The following PCDHGA2 variants were observed in gnomAD, a reference collection of about 807,000 sequenced individuals.
PCDHGA2 encodes the protein protocadherin gamma subfamily A, 2.
PCDHGA2 carries 40 observed loss-of-function variants against 59.2 expected under a neutral mutation model. The ratio of observed to expected loss-of-function variants is 0.68; its 90% CI spans 0.52 to 0.88. The LOEUF (loss-of-function observed/expected upper bound fraction) is 0.88. PCDHGA2 is among the 40% of genes least tolerant of loss of function. The pLI is 0.00. For missense variants in PCDHGA2, 1,226 were observed against 1,204.0 expected, an observed-to-expected ratio of 1.02 and a Z score of -0.27; for synonymous variants, 560 against 526.0, an observed-to-expected ratio of 1.06 and a Z score of -0.89.
intron 1 of PCDHGA2, chr5:141,419,517 G>A: frequency 6.2e-7 from 1 of 1,612,224 alleles, no homozygotes; most frequent in South Asian, 1.1e-5. Context: ...GTGTTGGTGG[G>A]CGACCGTAAC....
At chr5:141,466,549 T>C (rs778708029) in intron 1 of PCDHGA2, among the ~76,000 whole-genome samples, 2 of 152,244 alleles carry the variant, frequency 1.3e-5, no homozygotes, top group African/African-American at 2.4e-5. Flanking sequence ...GGTCTTTTGC[T>C]GTGGGCTTCA....
rs375487349 is a variant in PCDHGA2, at chr5:141,383,260, G to T, written c.2424+41865G>T. On this transcript the variant is annotated intron_variant, in intron 1 of 3. Transcript: ENST00000394576. ...TAAAATGAATCTTTACCCTATAGAC[G>T]TGGAAATAATAGATATTAATGACAA... is the stretch of plus-strand genomic sequence containing the variant. 2 of 1,613,782 alleles carry T rather than the reference G, an allele frequency of 1.2e-6. No homozygotes were observed. The highest frequency in any genetic ancestry group is 1.7e-6 in the Non-Finnish European group (2 of 1,179,874).
intron 1 of PCDHGA2, chr5:141,416,766 T>C (rs906070451): frequency 2.0e-5 from 3 of 152,212 alleles, no homozygotes; most frequent in African/African-American, 7.2e-5. Context: ...GATCTCTTAA[T>C]TTTATTACTA....
At position 141,347,504 on chromosome 5, in the gene PCDHGA2, G is replaced by A. The variant is rs144302503; in HGVS notation, c.2424+6109G>A. 9.9e-5 allele frequency among the ~76,000 whole-genome samples: 15 copies of A among 152,126 alleles called. No homozygotes were observed. In the East Asian group the frequency reaches 1.6e-3, roughly 16 times the overall value. On this transcript the variant is annotated intron_variant, in intron 1 of 3. Transcript: ENST00000394576. ...ATAAAAATTGGAGAACAAAAATGTAGAGGCTGGGTGCAGTGGCTCATGCTG... is the reference window on the plus strand; with the variant it reads ...ATAAAAATTGGAGAACAAAAATGTAAAGGCTGGGTGCAGTGGCTCATGCTG...
At chr5:141,388,893 G>A in intron 1 of PCDHGA2, 1 of 1,613,982 alleles carries the variant, frequency 6.2e-7, no homozygotes. Context: ...AGAAGTCATA[G>A]ATGAAAATGA....
chr5:141,357,567 G>A (rs751974557), intron 1 of PCDHGA2: 5 of 1,614,096 alleles, frequency 3.1e-6, no homozygotes, highest in African/African-American at 2.7e-5. Flanking sequence ...AGAAAAGCGA[G>A]CCTCTTCTGA....
At chr5:141,392,559 A>T in intron 1 of PCDHGA2, 2 of 384,544 alleles carry the variant, frequency 5.2e-6, no homozygotes, top group Non-Finnish European at 4.6e-6. Context: ...ATCTCAGTGC[A>T]GTAACTATTT....
At chr5:141,458,289 T>G (rs2154566205) in intron 1 of PCDHGA2, among the ~76,000 whole-genome samples, 1 of 152,280 alleles carries the variant, frequency 6.6e-6, no homozygotes, top group African/African-American at 2.4e-5. Flanking sequence ...CTGGTCCTCA[T>G]GCTGGTTTAG....
chr5:141,375,588 C>A, intron 1 of PCDHGA2: 1 of 1,614,180 alleles, frequency 6.2e-7, no homozygotes, highest in Non-Finnish European at 8.5e-7. Context: ...GCGCCCCTGT[C>A]CTCCTACGTG....
chr5:141,423,210 C>A (rs954945082), intron 1 of PCDHGA2: 2 of 1,613,578 alleles, frequency 1.2e-6, no homozygotes, highest in East Asian at 4.5e-5. Flanking sequence ...CCGTCACGCT[C>A]ACCGTGGCTG....
chr5:141,404,906 C>G, intron 1 of PCDHGA2: 8 of 1,613,864 alleles, frequency 5.0e-6, no homozygotes, highest in Non-Finnish European at 5.1e-6. Context: ...CCATGGCCAG[C>G]CCCCTCTCTC....
At position 141,491,679 on chromosome 5, in the gene PCDHGA2, T is replaced by C. The variant is rs111288145; in HGVS notation, c.2425-3128T>C. On this transcript the variant is annotated intron_variant, in intron 1 of 3. Coordinates refer to ENST00000394576, the MANE Select transcript of PCDHGA2 (RefSeq NM_018915.4). This position sits in a 1 kb window ranked among gnomAD's most constrained non-coding sequence, Gnocchi z 6.9. ...CTGACGCCATCCGGTCCCGCTCTAA[T>C]ACGCTGCGGGAGCGGAGCCAGGTGA... is the stretch of plus-strand genomic sequence containing the variant. 21 of 1,613,378 alleles carry C rather than the reference T, an allele frequency of 1.3e-5. No homozygotes were observed. Among genetic ancestry groups the C allele is most frequent in the Middle Eastern group, 1.6e-4 (1 of 6,078 alleles).
rs183723314 is a variant in PCDHGA2 at position 141,375,046 on chromosome 5, C to T, written c.2424+33651C>T. The T allele has an allele frequency of 2.1e-4, 333 of 1,613,912 alleles. 2 individuals are homozygous for T. The African/African-American group carries it at 4.0e-3, about 19-fold the overall frequency. The stretch of plus-strand genomic sequence containing the variant: ...GTTTTTATGAGCTGGGTGTTGAAGC[C>T]CGGGATGGGCCAGGTCTTCGAGACA... On this transcript the variant is annotated intron_variant, in intron 1 of 3. Coordinates refer to ENST00000394576, the MANE Select transcript of PCDHGA2 (RefSeq NM_018915.4).
At position 141,494,925 on chromosome 5, in the gene PCDHGA2, G is replaced by A. The variant is rs936071950; in HGVS notation, c.2483+60G>A. On this transcript the variant is annotated intron_variant, in intron 2 of 3. Coordinates refer to ENST00000394576, the MANE Select transcript of PCDHGA2 (RefSeq NM_018915.4). ...TGCGGCATTTTCTCAGGGATGACGT[G>A]GGAGGAGATGGGGGAGGGCCCAGCA... is the stretch of plus-strand genomic sequence containing the variant. The A allele has an allele frequency of 3.3e-4, 525 of 1,613,316 alleles. 2 individuals carry two copies. Among genetic ancestry groups the A allele is most frequent in the Admixed American group, 4.7e-4 (28 of 59,956 alleles).
At chr5:141,364,366 G>T (rs755664508) in intron 1 of PCDHGA2, 1 of 1,563,758 alleles carries the variant, frequency 6.4e-7, no homozygotes, top group Non-Finnish European at 8.6e-7. Flanking sequence ...GCTGCGGAGA[G>T]CTGCTGCTGC....
rs770249472 is a variant in PCDHGA2, at chr5:141,477,747, C to T, written c.2425-17060C>T. On this transcript the variant is annotated intron_variant, in intron 1 of 3. Transcript: ENST00000394576. The surrounding 1 kb of genome is among the most constrained non-coding windows in gnomAD (Gnocchi z 4.9). ...ACAGCTCATATCAGCGATGGGGGCA[C>T]CCCGGTCCTAGCCACCAACATCAGC... 6.2e-7 allele frequency: 1 copy of T among 1,613,840 alleles called. No individual in the cohort carries two copies. The highest frequency in any genetic ancestry group is 1.7e-5 in the Admixed American group (1 of 60,026).
chr5:141,468,853 G>A (rs893773356), intron 1 of PCDHGA2, among the ~76,000 whole-genome samples: 7 of 151,000 alleles, frequency 4.6e-5, no homozygotes, highest in Admixed American at 6.6e-5. Context: ...GCAACAGAGC[G>A]AGACTCCATC....
intron 1 of PCDHGA2, among the ~76,000 whole-genome samples, chr5:141,437,614 A>G (rs113599071): frequency 3.1e-4 from 47 of 152,242 alleles, no homozygotes; most frequent in Non-Finnish European, 5.1e-4. Flanking sequence ...AATCTGCTTT[A>G]TCCCCATATA....
rs1166211564 is a variant in PCDHGA2, at chr5:141,340,175, T to G, written c.1204T>G (p.Tyr402Asp). Reference sequence around the variant, plus strand: ...GTTAGAAAAGTCAGTAGACAATTACTACCGACTGGTTACAACCAGAGCCCT... The same window carrying G: ...GTTAGAAAAGTCAGTAGACAATTACGACCGACTGGTTACAACCAGAGCCCT... ...FKLEKSVDNYYRLVTTRALDR... is the reference protein window; with the variant it reads ...FKLEKSVDNYDRLVTTRALDR... Residue 402 changes from tyrosine to aspartate, a missense_variant, in exon 1 of 4, where the codon TAC (tyrosine) becomes GAC (aspartate). Physicochemically the swap from Tyr to Asp is radical, Grantham distance 160. Coordinates refer to ENST00000394576, the MANE Select transcript of PCDHGA2 (RefSeq NM_018915.4). 2 of 1,614,112 alleles carry G rather than the reference T, an allele frequency of 1.2e-6. No individual in the cohort carries two copies. The highest frequency in any genetic ancestry group is 1.7e-6 in the Non-Finnish European group (2 of 1,180,044).
Sources: gnomAD v4.1 joint callset for allele counts (sites outside exome capture counted in the v4.1 genomes callset) on GRCh38, gnomAD v4.1.1 for gene constraint, Gnocchi (gnomAD v3.1) non-coding constraint, MANE v1.5 for transcripts, NCBI Gene and HGNC (gene_info 2026-07-23, HGNC 2026-07-21) for gene names.